LY75: variants seen among roughly 807,000 people sequenced by gnomAD.
LY75 encodes the protein lymphocyte antigen 75.
A neutral mutation model predicts 231.7 loss-of-function variants in LY75; 185 were observed. The observed-to-expected ratio is 0.80, with a 90% CI of 0.71 to 0.90. LY75 has a LOEUF of 0.90. Among genes scored for constraint, LY75 ranks in the 40% least tolerant of loss-of-function variants. The pLI, the probability that LY75 is intolerant of heterozygous loss-of-function variation, is 0.00. For missense variants in LY75, 1,947 were observed against 2,050.2 expected (o/e 0.95, Z 0.97); for synonymous variants, 668 against 689.0 (o/e 0.97, Z 0.48).
intron 1 of LY75, among the ~76,000 whole-genome samples, chr2:159,900,731 C>A (rs1032412191): frequency 1.3e-5 from 2 of 152,174 alleles, no homozygotes; most frequent in African/African-American, 4.8e-5. Flanking sequence ...ACAAGAGAAA[C>A]AACAACAGCA....
intron 31 of LY75, chr2:159,814,063 A>G (rs1683044491): frequency 6.6e-6 from 1 of 152,180 alleles, no homozygotes; most frequent in Admixed American, 6.5e-5. Flanking sequence ...GTTCAACCAA[A>G]TGTTGAATCT....
chr2:159,880,820 G>A (rs1423164095), intron 8 of LY75, among the ~76,000 whole-genome samples: 1 of 152,054 alleles, frequency 6.6e-6, no homozygotes, highest in Non-Finnish European at 1.5e-5. Context: ...TCATAATAGG[G>A]TTCACCCTCC....
intron 23 of LY75, among the ~76,000 whole-genome samples, chr2:159,845,337 G>T (rs888545417): frequency 9.2e-5 from 14 of 151,876 alleles, no homozygotes; most frequent in Admixed American, 8.5e-4. Flanking sequence ...TGTTTTAAGG[G>T]CATGTAATAA....
rs111414050 is a variant in LY75, at chr2:159,809,874, C to G, written c.4699+652G>C. ...TGTATTTTTAGTAGAGACGAGGGCT[C>G]GCCATGTTGGTCACGCTAGTCTTTA... On this transcript the variant is annotated intron_variant, in intron 32 of 34. Transcript: ENST00000263636. Among the ~76,000 whole-genome samples the G allele has an allele frequency of 8.8e-3, 1,339 of 151,924 alleles. 18 individuals carry two copies. The highest frequency in any genetic ancestry group is 0.031 in the African/African-American group (1,277 of 41,446).
chr2:159,897,805 G>A (rs1222434620), intron 2 of LY75, among the ~76,000 whole-genome samples: 2 of 152,188 alleles, frequency 1.3e-5, no homozygotes, highest in Non-Finnish European at 2.9e-5. Context: ...TTGGGAGATA[G>A]CTAATTACAT....
chr2:159,839,292 C>T (rs1683931268), intron 25 of LY75, among the ~76,000 whole-genome samples: 1 of 152,176 alleles, frequency 6.6e-6, no homozygotes. Flanking sequence ...TATACCATGG[C>T]TGAGAAAAGA....
chr2:159,842,833 C>A (rs77805160), intron 23 of LY75, among the ~76,000 whole-genome samples: 3,130 of 151,974 alleles, frequency 0.021, 51 homozygotes, highest in African/African-American at 0.043. Context: ...ATTTTCTAAT[C>A]ACAATCAATA....
chr2:159,876,319 G>A (rs1685266382), intron 11 of LY75, among the ~76,000 whole-genome samples: 1 of 152,174 alleles, frequency 6.6e-6, no homozygotes, highest in South Asian at 2.1e-4. Flanking sequence ...AAAACATCAT[G>A]TTCCATTTTC....
rs558701711 is a variant in LY75 at position 159,816,032 on chromosome 2, C to A, written c.4381-459G>T. On this transcript the variant is annotated intron_variant, in intron 30 of 34. Transcript: ENST00000263636. ...AGTAGGGAGCTAGAAAAGAGAAACA[C>A]TTCCCAAGAAACTCAAAATGGGAAG... 2.6e-4 allele frequency among the ~76,000 whole-genome samples: 39 copies of A among 152,144 alleles called. 1 individual carries two copies. The highest frequency in any genetic ancestry group is 4.9e-4 in the Non-Finnish European group (33 of 68,016).
chr2:159,872,733 T>G, intron 12 of LY75, 140 bp from the exon 13 acceptor site: 2 of 878,608 alleles, frequency 2.3e-6, no homozygotes, highest in Non-Finnish European at 3.4e-6. Flanking sequence ...AATGCACATA[T>G]ACTGAGACAC....
intron 12 of LY75, 113 bp downstream of exon 12, chr2:159,875,331 A>C (rs1685232306): frequency 7.1e-7 from 1 of 1,405,652 alleles, no homozygotes; most frequent in Non-Finnish European, 9.5e-7. Flanking sequence ...GCTCCAGAGC[A>C]CTTTAGTTAG....
At chr2:159,887,250 C>CACACACACAT (rs60776463) in intron 4 of LY75, among the ~76,000 whole-genome samples, 1 of 149,626 alleles carries the variant, frequency 6.7e-6, no homozygotes, top group African/African-American at 2.5e-5. Flanking sequence ...CACACACACA[C>CACACACACAT]GTGGTACAGT....
chr2:159,838,988 G>A (rs1574545576), intron 25 of LY75, among the ~76,000 whole-genome samples: 1 of 151,966 alleles, frequency 6.6e-6, no homozygotes, highest in East Asian at 1.9e-4. Flanking sequence ...TAGAGACAGG[G>A]TTTCACCATG....
intron 15 of LY75, among the ~76,000 whole-genome samples, chr2:159,860,403 C>T (rs114162148): frequency 9.0e-4 from 137 of 152,332 alleles, no homozygotes; most frequent in African/African-American, 3.2e-3. Flanking sequence ...CCACTGCCCT[C>T]TTCCACTTCC....
intron 4 of LY75, among the ~76,000 whole-genome samples, chr2:159,887,211 T>TCTCACA (rs1553812719): frequency 7.7e-6 from 1 of 129,970 alleles, no homozygotes; most frequent in African/African-American, 2.8e-5. Flanking sequence ...AGAGTGAGAG[T>TCTCACA]CACACACACA....
intron 28 of LY75, among the ~76,000 whole-genome samples, chr2:159,828,778 T>C (rs1245106326): frequency 6.6e-6 from 1 of 152,188 alleles, no homozygotes; most frequent in Non-Finnish European, 1.5e-5. Context: ...ATAAATAAAA[T>C]GTATTATATC....
At chr2:159,822,318 C>G (rs1271930167) in intron 28 of LY75, among the ~76,000 whole-genome samples, 4 of 152,214 alleles carry the variant, frequency 2.6e-5, no homozygotes, top group South Asian at 2.1e-4. Flanking sequence ...TAGCAGCAGT[C>G]TGAGATTGAC....
At chr2:159,860,005 CT>C (rs1233361142) in intron 15 of LY75, among the ~76,000 whole-genome samples, 2 of 152,166 alleles carry the variant, frequency 1.3e-5, no homozygotes, top group African/African-American at 2.4e-5. Context: ...GTTGTAATTG[CT>C]TGTTTACTTG....
chr2:159,808,480 T>C lies in LY75; in HGVS notation c.4791A>G (p.Arg1597=). 6.2e-7 allele frequency: 1 copy of C among 1,613,924 alleles called. No individual in the cohort carries two copies. The highest frequency in any genetic ancestry group is 8.5e-7 in the Non-Finnish European group (1 of 1,179,962). The change falls in exon 33 of 35, where the codon AGA becomes AGG. Residue 1597 remains arginine, a synonymous_variant. Transcript: ENST00000263636. ...LMRENNNITM[R]VWLGLSQHSV... ...AATGTTGAGATAATCCAAGCCAAAC[T>C]CTCATGGTAATGTTATTATTTTCCC...
Sources: allele counts gnomAD v4.1 joint callset (sites outside exome capture counted in the v4.1 genomes callset), GRCh38; gene constraint gnomAD v4.1.1; transcripts MANE v1.5; gene names NCBI Gene and HGNC (gene_info 2026-07-23, HGNC 2026-07-21).